Variants in SLC29A3 observed in about 807,000 individuals in gnomAD.
SLC29A3 encodes the protein solute carrier family 29 member 3.
A neutral mutation model predicts 25.4 loss-of-function variants in SLC29A3; 18 were observed. That is an observed-to-expected ratio of 0.71 (90% CI 0.49 to 1.05). SLC29A3 has a LOEUF of 1.05. Ranked by LOEUF, SLC29A3 falls within the 50% of genes least tolerant of loss-of-function variation. SLC29A3 has a pLI of 0.00. For missense variants in SLC29A3, 586 were observed against 609.0 expected (o/e 0.96, Z 0.40); for synonymous variants, 258 against 267.1 (o/e 0.97, Z 0.33).
At chr10:71,345,422 A>G (rs1379685566) in intron 3 of SLC29A3, among the ~76,000 whole-genome samples, 1 of 152,126 alleles carries the variant, frequency 6.6e-6, no homozygotes, top group East Asian at 1.9e-4. Flanking sequence ...TGGCTTACCC[A>G]GTGGCTGAGA....
chr10:71,323,099 G>A (rs1246318786), intron 2 of SLC29A3, 45 bp downstream of exon 2: 2 of 1,604,886 alleles, frequency 1.2e-6, no homozygotes, highest in Non-Finnish European at 1.7e-6. Flanking sequence ...GCATACAGAG[G>A]CCTCATGCCT....
In SLC29A3 at chr10:71,322,785, C is replaced by T; in HGVS notation, c.31C>T (p.His11Tyr). MAVVSEDDFQ[H>Y]SSNSTYRTTS... ...CGTTGTCTCAGAGGACGACTTTCAG[C>T]ACAGTTCAAACTCCACCTACAGAAC... The change falls in exon 2 of 6, where the codon CAC becomes TAC. Residue 11 changes from histidine to tyrosine, a missense_variant. Physicochemically the swap from His to Tyr is moderately conservative, Grantham distance 83. Transcript: ENST00000373189. 6.2e-7 allele frequency: 1 copy of T among 1,614,166 alleles called. No homozygotes were observed. The highest frequency in any genetic ancestry group is 8.5e-7 in the Non-Finnish European group (1 of 1,180,044).
intron 3 of SLC29A3, among the ~76,000 whole-genome samples, chr10:71,350,567 T>C (rs1192075430): frequency 6.6e-6 from 1 of 152,184 alleles, no homozygotes; most frequent in Non-Finnish European, 1.5e-5. Context: ...AATCCTTCCC[T>C]GCTTTTCTCC....
intron 2 of SLC29A3, among the ~76,000 whole-genome samples, chr10:71,324,064 A>G (rs1211694658): frequency 6.6e-6 from 1 of 152,178 alleles, no homozygotes; most frequent in Non-Finnish European, 1.5e-5. Flanking sequence ...CACTCGTTAA[A>G]ACAGTAAGGA....
chr10:71,345,203 T>C (rs931778883), intron 3 of SLC29A3, among the ~76,000 whole-genome samples: 4 of 152,208 alleles, frequency 2.6e-5, no homozygotes, highest in East Asian at 1.9e-4. Flanking sequence ...ATTGCAGTTA[T>C]CTGTTACATA....
intron 3 of SLC29A3, 91 bp downstream of exon 3, chr10:71,344,382 A>T: frequency 2.0e-6 from 2 of 989,662 alleles, no homozygotes; most frequent in Non-Finnish European, 3.2e-6. Flanking sequence ...TTTTCTGCCT[A>T]CTTAAGTGGT....
intron 3 of SLC29A3, among the ~76,000 whole-genome samples, chr10:71,350,314 C>CGTGTGTGTGTGTGT (rs775651402): frequency 1.7e-3 from 248 of 142,568 alleles, no homozygotes; most frequent in East Asian, 2.5e-3. Flanking sequence ...TTCACACCTA[C>CGTGTGTGTGTGTGT]GTGTGTGTGT....
intron 2 of SLC29A3, among the ~76,000 whole-genome samples, chr10:71,330,351 G>A (rs993822812): frequency 6.6e-6 from 1 of 152,234 alleles, no homozygotes; most frequent in Admixed American, 6.5e-5. Flanking sequence ...AGGCAGTCCT[G>A]AGGCCCTGAC....
chr10:71,372,884 C>T (rs1847221815), intron 3 of SLC29A3, among the ~76,000 whole-genome samples: 1 of 152,164 alleles, frequency 6.6e-6, no homozygotes, highest in Admixed American at 6.5e-5. Context: ...TGAGGCCCAA[C>T]ACCATCAATA....
intron 2 of SLC29A3, among the ~76,000 whole-genome samples, chr10:71,324,980 A>G (rs10999774): frequency 0.04 from 6,030 of 152,258 alleles, 396 homozygotes; most frequent in African/African-American, 0.14. Flanking sequence ...CGGCTGCCCC[A>G]GGCTGGTGTC....
chr10:71,372,808 C>T lies in SLC29A3; in HGVS notation c.*95-2887C>T, dbSNP rs75671041. On this transcript the variant is annotated intron_variant and NMD_transcript_variant, in intron 3 of 4. Coordinates refer to the SLC29A3 transcript ENST00000642772. ...AGTGCCAAGCTCATCTTCTTCACCACGCCCCAAGGTTGGCGCCTGGTGGCT... is the reference window on the plus strand; with the variant it reads ...AGTGCCAAGCTCATCTTCTTCACCATGCCCCAAGGTTGGCGCCTGGTGGCT... 6.6e-3 allele frequency among the ~76,000 whole-genome samples: 1,006 copies of T among 152,342 alleles called. 14 individuals are homozygous for T. The highest frequency in any genetic ancestry group is 0.023 in the African/African-American group (959 of 41,566).
intron 2 of SLC29A3, among the ~76,000 whole-genome samples, chr10:71,333,475 A>G (rs1460224599): frequency 1.3e-5 from 2 of 152,230 alleles, no homozygotes; most frequent in African/African-American, 4.8e-5. Context: ...GTTGTTGAGG[A>G]AGTGCCTGCC....
chr10:71,323,364 G>A (rs967884615), intron 2 of SLC29A3, among the ~76,000 whole-genome samples: 7 of 152,232 alleles, frequency 4.6e-5, no homozygotes, highest in African/African-American at 1.4e-4. Context: ...TTCAATTCTG[G>A]TCGGGACAGC....
chr10:71,377,263 C>T (rs934566558), intron 4 of SLC29A3, among the ~76,000 whole-genome samples: 1 of 152,216 alleles, frequency 6.6e-6, no homozygotes, highest in African/African-American at 2.4e-5. Context: ...CTCCAGGTAT[C>T]CCCTGGGCTG....
At chr10:71,325,871 T>C (rs1260799290) in intron 2 of SLC29A3, among the ~76,000 whole-genome samples, 1 of 151,502 alleles carries the variant, frequency 6.6e-6, no homozygotes. Context: ...GGCTTGGCTG[T>C]GTGAACTCTC....
At chr10:71,353,790 G>A (rs1456970337) in intron 4 of SLC29A3, among the ~76,000 whole-genome samples, 1 of 152,140 alleles carries the variant, frequency 6.6e-6, no homozygotes, top group Admixed American at 6.5e-5. Flanking sequence ...CATTTGTTTT[G>A]CGCTGGTGTT....
At chr10:71,369,836 T>C (rs958565898) in intron 3 of SLC29A3, among the ~76,000 whole-genome samples, 1 of 152,220 alleles carries the variant, frequency 6.6e-6, no homozygotes, top group Admixed American at 6.5e-5. Flanking sequence ...TAAGAGACCA[T>C]GTTAGAATTC....
intron 3 of SLC29A3, among the ~76,000 whole-genome samples, chr10:71,372,577 G>A (rs528762498): frequency 6.6e-6 from 1 of 152,312 alleles, no homozygotes; most frequent in South Asian, 2.1e-4. Flanking sequence ...CCCACGAGGA[G>A]AACCACTGTG....
chr10:71,369,938 G>A (rs1847198737), intron 3 of SLC29A3, among the ~76,000 whole-genome samples: 1 of 152,192 alleles, frequency 6.6e-6, no homozygotes, highest in South Asian at 2.1e-4. Flanking sequence ...TACATGGTTT[G>A]TGGATCTGAG....
Sources: allele counts gnomAD v4.1 joint callset (sites outside exome capture counted in the v4.1 genomes callset), GRCh38; gene constraint gnomAD v4.1.1; transcripts MANE v1.5; gene names NCBI Gene and HGNC (gene_info 2026-07-23, HGNC 2026-07-21).